The following ADAMTS2 variants were observed in gnomAD, a reference collection of about 807,000 sequenced individuals.
The protein encoded by ADAMTS2 is ADAM metallopeptidase with thrombospondin type 1 motif 2.
A neutral mutation model predicts 123.0 loss-of-function variants in ADAMTS2; 50 were observed. That is an observed-to-expected ratio of 0.41 (90% CI 0.32 to 0.51). The LOEUF is 0.51. Ranked by LOEUF, ADAMTS2 falls within the 20% of genes least tolerant of loss-of-function variation. ADAMTS2 has a pLI of 0.35. For synonymous variants in ADAMTS2, 678 were observed against 695.4 expected (o/e 0.98, Z 0.39); for missense variants, 1,494 against 1,705.2 (o/e 0.88, Z 2.18).
At position 179,184,489 on chromosome 5, in the gene ADAMTS2, A is replaced by C. The variant is rs527637077; in HGVS notation, c.892-3334T>G. On this transcript the variant is annotated intron_variant, in intron 4 of 21. Coordinates refer to ENST00000251582, the MANE Select transcript of ADAMTS2 (RefSeq NM_014244.5). ...TCGCGTCATTGCACTCCAGCCTGGG[A>C]GACAGAGCAAGACTCTGTCTAAAAA... Among the ~76,000 whole-genome samples, 433 of 143,142 alleles carry C rather than the reference A, an allele frequency of 3.0e-3. 2 individuals carry two copies. Among genetic ancestry groups the C allele is most frequent in the African/African-American group, 0.011 (404 of 38,040 alleles). 93.9% of individuals were successfully genotyped at this position (143,142 alleles called of 152,430 possible). A position where few individuals can be genotyped will look rare whatever the true frequency, so the allele number is the denominator to read the frequency against.
chr5:179,335,826 G>T (rs948278403), intron 2 of ADAMTS2, among the ~76,000 whole-genome samples: 1 of 152,166 alleles, frequency 6.6e-6, no homozygotes, highest in Admixed American at 6.5e-5. Context: ...GCGTGGGAGG[G>T]ATGGGCAGGG....
In ADAMTS2 at chr5:179,256,637, T is replaced by C. The variant is rs1032767228; in HGVS notation, c.688+16274A>G. ...GCAAACCAGGCAGGCGGGGCCAGCA[T>C]GAGTGGGGGGGCCAGGCACGAATCG... On this transcript the variant is annotated intron_variant, in intron 3 of 21. Coordinates refer to ENST00000251582, the MANE Select transcript of ADAMTS2 (RefSeq NM_014244.5). This position sits in a 1 kb window ranked among gnomAD's most constrained non-coding sequence, Gnocchi z 4.1. Among the ~76,000 whole-genome samples the C allele has an allele frequency of 6.6e-6, 1 of 151,862 alleles. No homozygotes were observed. Among genetic ancestry groups the C allele is most frequent in the African/African-American group, 2.4e-5 (1 of 41,306 alleles).
chr5:179,179,131 G>A (rs1763992225), intron 5 of ADAMTS2, among the ~76,000 whole-genome samples: 1 of 151,966 alleles, frequency 6.6e-6, no homozygotes, highest in African/African-American at 2.4e-5. Flanking sequence ...TTTTTTGGTA[G>A]AGACAGGGTT....
At chr5:179,267,924 C>T (rs573848072) in intron 3 of ADAMTS2, among the ~76,000 whole-genome samples, 11 of 152,308 alleles carry the variant, frequency 7.2e-5, no homozygotes, top group African/African-American at 1.7e-4. Context: ...CTGGTCCTTT[C>T]GCATGGTGAT....
At chr5:179,143,368 G>A (rs1270401835) in intron 10 of ADAMTS2, among the ~76,000 whole-genome samples, 1 of 151,904 alleles carries the variant, frequency 6.6e-6, no homozygotes, top group Non-Finnish European at 1.5e-5. Flanking sequence ...GGGAGGTGGA[G>A]GTTGCAGTGA....
intron 11 of ADAMTS2, among the ~76,000 whole-genome samples, chr5:179,139,112 G>A (rs180894723): frequency 2.0e-5 from 3 of 152,232 alleles, no homozygotes; most frequent in Admixed American, 1.3e-4. Context: ...GGCCTGCGGC[G>A]TAAGAGCCCG....
At chr5:179,238,105 T>C (rs532483392) in intron 3 of ADAMTS2, among the ~76,000 whole-genome samples, 1 of 152,302 alleles carries the variant, frequency 6.6e-6, no homozygotes, top group South Asian at 2.1e-4. Context: ...GCCAAGCTGT[T>C]CTGTGGCTTG....
At chr5:179,280,940 C>T (rs1421768359) in intron 2 of ADAMTS2, among the ~76,000 whole-genome samples, 1 of 152,164 alleles carries the variant, frequency 6.6e-6, no homozygotes, top group Non-Finnish European at 1.5e-5. Context: ...TCACTGCAAA[C>T]TCTGCCTCCC....
At chr5:179,140,799 C>CTTTTTT (rs770094463) in intron 10 of ADAMTS2, among the ~76,000 whole-genome samples, 17,463 of 89,850 alleles carry the variant, frequency 0.19, 3,407 homozygotes, top group East Asian at 0.27. Flanking sequence ...ACTGCATGCT[C>CTTTTTT]TTTTTTTTTT....
chr5:179,316,953 T>C (rs1757016503), intron 2 of ADAMTS2, among the ~76,000 whole-genome samples: 1 of 151,740 alleles, frequency 6.6e-6, no homozygotes. Flanking sequence ...AAAGGAAATA[T>C]ATTTAATTTT....
intron 10 of ADAMTS2, among the ~76,000 whole-genome samples, chr5:179,150,470 A>C (rs903776993): frequency 5.9e-5 from 9 of 152,204 alleles, no homozygotes; most frequent in African/African-American, 1.9e-4. Flanking sequence ...CCTTATACAC[A>C]AATGTTCACA....
chr5:179,308,994 G>A lies in ADAMTS2; in HGVS notation c.534+34773C>T, dbSNP rs112794589. Among the ~76,000 whole-genome samples, 2,523 of 152,306 alleles carry A rather than the reference G, an allele frequency of 0.017. 63 individuals are homozygous for A. The highest frequency in any genetic ancestry group is 0.058 in the African/African-American group (2,396 of 41,556). ...GGAAAGATACGAAGAGGGCTGAGGCGGGCGTTCCTGCCCTTGGGTCTCTTC... is the reference window on the plus strand; with the variant it reads ...GGAAAGATACGAAGAGGGCTGAGGCAGGCGTTCCTGCCCTTGGGTCTCTTC... On this transcript the variant is annotated intron_variant, in intron 2 of 21. Transcript: ENST00000251582. The surrounding 1 kb of genome is among the most constrained non-coding windows in gnomAD (Gnocchi z 6.6).
chr5:179,217,301 T>C (rs1015826568), intron 3 of ADAMTS2, among the ~76,000 whole-genome samples: 1 of 152,192 alleles, frequency 6.6e-6, no homozygotes, highest in African/African-American at 2.4e-5. Context: ...ACATAAATTA[T>C]GGATACACAG....
chr5:179,135,372 T>G (rs1763048306), intron 13 of ADAMTS2, among the ~76,000 whole-genome samples: 1 of 152,214 alleles, frequency 6.6e-6, no homozygotes, highest in African/African-American at 2.4e-5. Context: ...TCTATGTTCA[T>G]GTCACCGTCA....
chr5:179,345,198 T>TCGG lies in ADAMTS2; in HGVS notation c.128_130dup (p.Ala43dup), dbSNP rs1174228917. Reference sequence around the variant, plus strand: ...GGCCGGGCCGCACCTACCTGGGGGGTCGGCGGCGGCGGCGAGCCTGGCGTT... The same window carrying TCGG: ...GGCCGGGCCGCACCTACCTGGGGGGTCGGCGGCGGCGGCGGCGAGCCTGGCGTT... On this transcript the variant is annotated inframe_insertion, in exon 1 of 22. Coordinates refer to ENST00000251582, the MANE Select transcript of ADAMTS2 (RefSeq NM_014244.5). The surrounding 1 kb of genome is among the most constrained non-coding windows in gnomAD (Gnocchi z 7.5). The TCGG allele has an allele frequency of 3.4e-4, 382 of 1,108,880 alleles. No individual in the cohort carries two copies. In the African/African-American group the frequency reaches 5.4e-3, roughly 16 times the overall value. The allele number at this position is 1,108,880 out of a possible 1,614,324, so 68.7% of individuals were successfully genotyped here.
chr5:179,207,140 T>C (rs959819043), intron 4 of ADAMTS2, among the ~76,000 whole-genome samples: 4 of 152,208 alleles, frequency 2.6e-5, no homozygotes, highest in Non-Finnish European at 5.9e-5. Context: ...TCAGGTAAAA[T>C]AAGGTTGCCT....
At chr5:179,124,825 T>A (rs1762822799) in intron 19 of ADAMTS2, 148 bp downstream of exon 19, 3 of 1,598,470 alleles carry the variant, frequency 1.9e-6, no homozygotes, top group Non-Finnish European at 2.6e-6. Flanking sequence ...GCCCGGCGGC[T>A]CTCAGGCCGG....
chr5:179,230,446 G>A (rs1421226175), intron 3 of ADAMTS2, among the ~76,000 whole-genome samples: 4 of 152,192 alleles, frequency 2.6e-5, no homozygotes, highest in Admixed American at 6.5e-5. Context: ...CTGATGCCAG[G>A]GCAAGACCCA....
At chr5:179,310,619 T>G (rs935738013) in intron 2 of ADAMTS2, among the ~76,000 whole-genome samples, 1 of 152,142 alleles carries the variant, frequency 6.6e-6, no homozygotes, top group Admixed American at 6.5e-5. Context: ...TGGAGCAGCC[T>G]GGGGGCCCCC....
Sources: gnomAD v4.1 joint callset for allele counts (sites outside exome capture counted in the v4.1 genomes callset) on GRCh38, gnomAD v4.1.1 for gene constraint, Gnocchi (gnomAD v3.1) non-coding constraint, MANE v1.5 for transcripts, NCBI Gene and HGNC (gene_info 2026-07-23, HGNC 2026-07-21) for gene names.